TPRG1: variants seen among roughly 807,000 people sequenced by gnomAD.
TPRG1 encodes tumor protein p63 regulated 1, also known as tumor protein p63-regulated gene 1 protein.
A neutral mutation model predicts 29.3 loss-of-function variants in TPRG1; 29 were observed. That is an observed-to-expected ratio of 0.99 (90% CI 0.74 to 1.35). The LOEUF (loss-of-function observed/expected upper bound fraction) is 1.35. TPRG1 is among the 40% of genes most tolerant of loss of function. The pLI is 0.00. For synonymous variants in TPRG1, 130 were observed against 116.8 expected (o/e 1.11, Z -0.73); for missense variants, 327 against 335.0 (o/e 0.98, Z 0.19).
chr3:189,201,639 T>G (rs1248173782), intron 1 of TPRG1, among the ~76,000 whole-genome samples: 1 of 152,148 alleles, frequency 6.6e-6, no homozygotes, highest in Non-Finnish European at 1.5e-5. Context: ...TTTGTTATAC[T>G]CAAATTGTTG....
At chr3:189,129,903 T>A (rs776084389) in intron 2 of TPRG1, among the ~76,000 whole-genome samples, 3 of 152,210 alleles carry the variant, frequency 2.0e-5, no homozygotes, top group Non-Finnish European at 4.4e-5. Flanking sequence ...GGCCTTGTGT[T>A]AGGCATTGTG....
Position 189,320,786 on chromosome 3 carries a change from G to C in TPRG1, c.794G>C (p.Gly265Ala). The C allele has an allele frequency of 6.2e-7, 1 of 1,606,956 alleles. No homozygotes were observed. The highest frequency in any genetic ancestry group is 8.5e-7 in the Non-Finnish European group (1 of 1,176,836). ...MSFIGNRNKL[G>A]YSLARGSIGF ...TTCATTGGAAACCGCAACAAACTTG[G>C]CTATTCCCTTGCCCGTGGGAGTATT... Residue 265 changes from glycine (G) to alanine (A), a missense_variant, in exon 6 of 6, where the codon GGC becomes GCC. Physicochemically the swap from Gly to Ala is moderately conservative, Grantham distance 60 (BLOSUM62 0). Coordinates refer to ENST00000345063, the MANE Select transcript of TPRG1 (RefSeq NM_198485.4).
intron 4 of TPRG1, among the ~76,000 whole-genome samples, chr3:189,266,269 G>A (rs1714065181): frequency 6.6e-6 from 1 of 152,242 alleles, no homozygotes; most frequent in Admixed American, 6.5e-5. Flanking sequence ...TTTCCAATTT[G>A]CTTTGCTTTG....
chr3:189,107,189 CT>C (rs1231523246), intron 1 of TPRG1, among the ~76,000 whole-genome samples: 1 of 151,998 alleles, frequency 6.6e-6, no homozygotes, highest in Non-Finnish European at 1.5e-5. Context: ...GACTTCTTTT[CT>C]TTAGGTGACC....
intron 2 of TPRG1, among the ~76,000 whole-genome samples, chr3:189,002,961 G>A (rs1052600061): frequency 6.6e-6 from 1 of 152,078 alleles, no homozygotes; most frequent in Admixed American, 6.6e-5. Context: ...ACCACACCTA[G>A]CTTATATATA....
intron 2 of TPRG1, among the ~76,000 whole-genome samples, chr3:189,002,050 C>T (rs1480588570): frequency 1.3e-5 from 2 of 152,194 alleles, no homozygotes; most frequent in African/African-American, 4.8e-5. Flanking sequence ...AACTAGTTAA[C>T]GTGGCCTTTG....
At chr3:189,028,975 C>A (rs564198383) in intron 4 of TPRG1, among the ~76,000 whole-genome samples, 1 of 151,706 alleles carries the variant, frequency 6.6e-6, no homozygotes, top group East Asian at 1.9e-4. Context: ...TCCTCGTCCC[C>A]AGTCATGGTC....
chr3:189,223,145 A>G (rs1737189186), intron 3 of TPRG1, among the ~76,000 whole-genome samples: 1 of 152,202 alleles, frequency 6.6e-6, no homozygotes, highest in Admixed American at 6.6e-5. Context: ...TGTGTGGCAC[A>G]TGATTGGGCT....
intron 3 of TPRG1, among the ~76,000 whole-genome samples, chr3:189,234,210 G>A (rs1458952306): frequency 6.6e-6 from 1 of 152,114 alleles, no homozygotes; most frequent in African/African-American, 2.4e-5. Flanking sequence ...AAAGATATTA[G>A]CCACTTGTGG....
At chr3:189,113,921 TAATAAAATAAAATAA>T (rs4011843) in intron 1 of TPRG1, among the ~76,000 whole-genome samples, 2 of 150,304 alleles carry the variant, frequency 1.3e-5, no homozygotes, top group African/African-American at 2.5e-5. Flanking sequence ...AGTATAATAA[TAATAAAATAAAATAA>T]AATAAAATAA....
rs1305105177 is a variant in TPRG1 at position 189,146,916 on chromosome 3, A to G, written c.-290-668A>G. Among the ~76,000 whole-genome samples, 7 of 152,196 alleles carry G rather than the reference A, an allele frequency of 4.6e-5. No individual in the cohort carries two copies. The East Asian group carries it at 9.6e-4, about 21-fold the overall frequency. On this transcript the variant is annotated intron_variant, in intron 3 of 6. Coordinates refer to the TPRG1 transcript ENST00000412373. ...CAGTACTTCTGCAAATGCTAATGCT[A>G]TTATTTAGTATATGGACACAGGTAC... is the stretch of plus-strand genomic sequence containing the variant.
chr3:189,250,504 G>GCA (rs1553931507), intron 4 of TPRG1, among the ~76,000 whole-genome samples: 2 of 23,590 alleles, frequency 8.5e-5, no homozygotes, highest in African/African-American at 1.3e-4. Flanking sequence ...TCTGATTTCC[G>GCA]CCCCCCCCCC....
chr3:189,120,501 A>C (rs1307497938), intron 1 of TPRG1: 1 of 152,208 alleles, frequency 6.6e-6, no homozygotes, highest in Admixed American at 6.5e-5. Flanking sequence ...AAATATGTGA[A>C]TCTTTGGGTC....
intron 4 of TPRG1, among the ~76,000 whole-genome samples, chr3:189,307,901 C>A (rs1721871382): frequency 6.6e-6 from 1 of 152,178 alleles, no homozygotes; most frequent in African/African-American, 2.4e-5. Flanking sequence ...CTGAAAGCCT[C>A]TTGGAATGAT....
rs565326527 is a variant in TPRG1 at position 189,187,409 on chromosome 3, C to T, written c.-10+15278C>T. Among the ~76,000 whole-genome samples, 6 of 152,060 alleles carry T rather than the reference C, an allele frequency of 3.9e-5. No individual in the cohort carries two copies. The East Asian group carries it at 1.2e-3, about 29-fold the overall frequency. On this transcript the variant is annotated intron_variant, in intron 1 of 5. Coordinates refer to ENST00000345063, the MANE Select transcript of TPRG1 (RefSeq NM_198485.4). ...GCAACCTCTGCCTCCTGGGTTCAAG[C>T]GATTCTTCTGCCTCAGCATCCTGAG...
chr3:189,248,928 C>T (rs1297086849), intron 4 of TPRG1, among the ~76,000 whole-genome samples: 2 of 151,138 alleles, frequency 1.3e-5, no homozygotes, highest in African/African-American at 4.8e-5. Context: ...TAGCATATCA[C>T]TATTATACTA....
intron 3 of TPRG1, chr3:189,218,015 C>G: frequency 2.0e-6 from 2 of 985,388 alleles, no homozygotes; most frequent in Non-Finnish European, 2.4e-6. Flanking sequence ...TAAGAGCTTG[C>G]AATTACTCCT....
At chr3:189,196,354 G>A (rs181165597) in intron 1 of TPRG1, among the ~76,000 whole-genome samples, 21 of 152,198 alleles carry the variant, frequency 1.4e-4, no homozygotes, top group Admixed American at 1.2e-3. Context: ...TTATTTGCAT[G>A]GTGTATTAAT....
chr3:189,089,528 A>AT (rs1299614006), intron 4 of TPRG1, among the ~76,000 whole-genome samples: 1 of 152,164 alleles, frequency 6.6e-6, no homozygotes, highest in African/African-American at 2.4e-5. Context: ...TTTATTTCTT[A>AT]CAGCTATGGA....
Sources: gnomAD v4.1 joint callset for allele counts (sites outside exome capture counted in the v4.1 genomes callset) on GRCh38, gnomAD v4.1.1 for gene constraint, MANE v1.5 for transcripts, NCBI Gene and HGNC (gene_info 2026-07-23, HGNC 2026-07-21) for gene names.